The following MIB1 variants were observed in gnomAD, a reference collection of about 807,000 sequenced individuals.
MIB1 encodes MIB E3 ubiquitin protein ligase 1.
Under a neutral mutation model 124.5 loss-of-function variants are expected in MIB1, and 278 were observed. The observed-to-expected ratio is 2.23, with a 90% confidence interval of 2.02 to 2.47. The LOEUF (loss-of-function observed/expected upper bound fraction) is 2.47. MIB1 is among the 30% of genes most tolerant of loss of function. The probability of loss-of-function intolerance (pLI) is 0.00; values close to 1 mark genes in which losing one functional copy is unlikely to be tolerated. For synonymous variants in MIB1, 446 were observed against 429.4 expected, an observed-to-expected ratio of 1.04 and a Z score of -0.48; for missense variants, 957 against 1,254.4, an observed-to-expected ratio of 0.76 and a Z score of 3.58.
At chr18:21,771,918 T>A (rs1435919972) in intron 3 of MIB1, among the ~76,000 whole-genome samples, 5 of 151,976 alleles carry the variant, frequency 3.3e-5, no homozygotes, top group Non-Finnish European at 7.4e-5. Context: ...GAGAACCACT[T>A]GAACCGGGGA....
intron 2 of MIB1, 141 bp from the exon 3 acceptor site, chr18:21,768,482 G>A (rs939119041): frequency 2.0e-6 from 1 of 510,684 alleles, no homozygotes; most frequent in Admixed American, 3.3e-5. Context: ...AGGTATTCCT[G>A]TATCATGCTA....
chr18:21,737,215 G>A (rs566563834), upstream of MIB1, among the ~76,000 whole-genome samples: 3 of 152,196 alleles, frequency 2.0e-5, no homozygotes, highest in African/African-American at 7.2e-5. Context: ...AGAAGAGAGT[G>A]GGGGCCAATA....
intron 15 of MIB1, among the ~76,000 whole-genome samples, chr18:21,845,102 C>G (rs979362080): frequency 2.0e-5 from 3 of 152,102 alleles, no homozygotes; most frequent in African/African-American, 4.8e-5. Context: ...CCTCCGCCTC[C>G]TGGGTTCAAG....
chr18:21,866,985 T>G lies in MIB1; in HGVS notation c.*2319T>G, dbSNP rs2042325698. ...CCAACTCTCTGAATCTGCTACCTCTTATTATATGTCCCTTAGCAGTACTTT... is the reference window on the plus strand; with the variant it reads ...CCAACTCTCTGAATCTGCTACCTCTGATTATATGTCCCTTAGCAGTACTTT... On this transcript the variant is annotated 3_prime_UTR_variant, in exon 21 of 21. Coordinates refer to ENST00000261537, the MANE Select transcript of MIB1 (RefSeq NM_020774.4). 1 of 152,620 alleles carries G rather than the reference T, an allele frequency of 6.6e-6. No individual in the cohort carries two copies. 9.5% of individuals were successfully genotyped at this position (152,620 alleles called of 1,614,324 possible).
intron 1 of MIB1, among the ~76,000 whole-genome samples, chr18:21,716,787 G>A (rs1185356780): frequency 1.6e-4 from 25 of 152,276 alleles, no homozygotes; most frequent in South Asian, 4.1e-4. Flanking sequence ...GGGAGGTGGA[G>A]CTTGCAGTGA....
At chr18:21,731,805 T>C (rs1313175953) in intron 1 of MIB1, among the ~76,000 whole-genome samples, 1 of 150,554 alleles carries the variant, frequency 6.6e-6, no homozygotes, top group African/African-American at 2.4e-5. Context: ...ATATGGAGAC[T>C]TCAAAAACTT....
At chr18:21,822,319 C>T (rs919001442) in intron 12 of MIB1, among the ~76,000 whole-genome samples, 2 of 152,084 alleles carry the variant, frequency 1.3e-5, no homozygotes, top group African/African-American at 2.4e-5. Context: ...TGAGAGTAGG[C>T]ATAGTATATT....
intron 4 of MIB1, among the ~76,000 whole-genome samples, chr18:21,776,150 C>T (rs148156889): frequency 1.4e-3 from 212 of 151,804 alleles, no homozygotes; most frequent in African/African-American, 4.9e-3. Context: ...CACCTGTAGT[C>T]GCAGTTACTT....
At chr18:21,782,433 G>C (rs1390802512) in intron 6 of MIB1, among the ~76,000 whole-genome samples, 1 of 152,068 alleles carries the variant, frequency 6.6e-6, no homozygotes. Context: ...TTAAATTATT[G>C]ATCAGGTGTT....
At chr18:21,720,410 G>T (rs1273943924) in intron 1 of MIB1, among the ~76,000 whole-genome samples, 1 of 151,900 alleles carries the variant, frequency 6.6e-6, no homozygotes, top group African/African-American at 2.4e-5. Flanking sequence ...AACACTTCAG[G>T]GATGTAATTA....
At chr18:21,848,031 T>A (rs2042149764) in intron 16 of MIB1, among the ~76,000 whole-genome samples, 2 of 152,246 alleles carry the variant, frequency 1.3e-5, no homozygotes, top group Admixed American at 6.5e-5. Context: ...GCCTCTCTCA[T>A]AATTTATGTG....
chr18:21,778,264 C>A (rs2041315514), intron 5 of MIB1, 95 bp downstream of exon 5: 2 of 873,690 alleles, frequency 2.3e-6, no homozygotes, highest in East Asian at 2.7e-5. Flanking sequence ...AGTTAATTAC[C>A]ACTAAAGTTA....
chr18:21,712,961 T>C (rs2040672098), intron 1 of MIB1, among the ~76,000 whole-genome samples: 1 of 152,018 alleles, frequency 6.6e-6, no homozygotes, highest in South Asian at 2.1e-4. Flanking sequence ...ATATTTATTA[T>C]TATTATTTTT....
At chr18:21,752,889 T>C (rs2040991051) in intron 1 of MIB1, among the ~76,000 whole-genome samples, 1 of 152,206 alleles carries the variant, frequency 6.6e-6, no homozygotes, top group Non-Finnish European at 1.5e-5. Flanking sequence ...ATTAAAAGTT[T>C]ATATACAGAC....
At chr18:21,784,829 G>A (rs938781193) in intron 6 of MIB1, among the ~76,000 whole-genome samples, 1 of 152,036 alleles carries the variant, frequency 6.6e-6, no homozygotes, top group Admixed American at 6.5e-5. Context: ...CCCTTTCCCC[G>A]GAGGAGTTAG....
At chr18:21,722,637 G>A (rs1438640642) in intron 1 of MIB1, among the ~76,000 whole-genome samples, 1 of 152,016 alleles carries the variant, frequency 6.6e-6, no homozygotes, top group African/African-American at 2.4e-5. Context: ...TCAAAGTGCT[G>A]GAATTACAGG....
chr18:21,805,949 G>A (rs937850559), intron 10 of MIB1, among the ~76,000 whole-genome samples: 4 of 137,838 alleles, frequency 2.9e-5, no homozygotes, highest in Non-Finnish European at 6.1e-5. Flanking sequence ...TGTTGCCCAG[G>A]CTGGAATGCA....
intron 1 of MIB1, among the ~76,000 whole-genome samples, chr18:21,757,802 A>C (rs1316462859): frequency 1.3e-5 from 2 of 152,072 alleles, no homozygotes; most frequent in Non-Finnish European, 2.9e-5. Flanking sequence ...TTAACATTTT[A>C]AAATATGTCT....
At chr18:21,788,788 A>T (rs895313753) in intron 6 of MIB1, among the ~76,000 whole-genome samples, 1 of 152,250 alleles carries the variant, frequency 6.6e-6, no homozygotes, top group Admixed American at 6.5e-5. Context: ...CAAGATTGAT[A>T]TAGGAACATC....
Sources: allele counts gnomAD v4.1 joint callset (sites outside exome capture counted in the v4.1 genomes callset), GRCh38; gene constraint gnomAD v4.1.1; transcripts MANE v1.5; gene names NCBI Gene and HGNC (gene_info 2026-07-23, HGNC 2026-07-21).